Variants in NEK6 observed in about 807,000 individuals in gnomAD.
NEK6 encodes the protein NIMA related kinase 6, also known as serine/threonine-protein kinase Nek6.
In NEK6, 27 loss-of-function variants were observed where a neutral mutation model predicts 43.5. The ratio of observed to expected loss-of-function variants is 0.62; its 90% CI spans 0.46 to 0.86. NEK6 has a LOEUF of 0.86. Among genes scored for constraint, NEK6 ranks in the 40% least tolerant of loss-of-function variants. NEK6 has a pLI of 0.00. For synonymous variants in NEK6, 167 were observed against 164.1 expected (o/e 1.02, Z -0.14); for missense variants, 318 against 414.4 (o/e 0.77, Z 2.02).
intron 2 of NEK6, among the ~76,000 whole-genome samples, chr9:124,309,936 G>A (rs1833446258): frequency 2.0e-5 from 3 of 152,248 alleles, no homozygotes; most frequent in Admixed American, 6.5e-5. Flanking sequence ...GAGGGGACTA[G>A]ACAGGGGCCC....
chr9:124,319,037 T>C (rs1380017268), intron 4 of NEK6, among the ~76,000 whole-genome samples: 3 of 152,234 alleles, frequency 2.0e-5, no homozygotes, highest in African/African-American at 7.2e-5. Context: ...CAAACTGGAG[T>C]GCAGTGGCAC....
At chr9:124,345,210 G>A (rs1028716030) in intron 8 of NEK6, among the ~76,000 whole-genome samples, 2 of 152,208 alleles carry the variant, frequency 1.3e-5, no homozygotes, top group Non-Finnish European at 2.9e-5. Flanking sequence ...CCCAGACAGT[G>A]AGTCCTCTCT....
chr9:124,321,059 A>G (rs940270306), intron 4 of NEK6, among the ~76,000 whole-genome samples: 5 of 152,212 alleles, frequency 3.3e-5, no homozygotes, highest in Non-Finnish European at 7.4e-5. Context: ...GCACAGGGAC[A>G]GAGAGGTGGG....
At chr9:124,282,789 C>T (rs776338606) in intron 1 of NEK6, among the ~76,000 whole-genome samples, 16 of 152,250 alleles carry the variant, frequency 1.1e-4, no homozygotes, top group Non-Finnish European at 2.4e-4. Context: ...AACAGGCTTG[C>T]AGCGTTTGGT....
At chr9:124,347,684 T>C in intron 8 of NEK6, 25 bp from the exon 9 acceptor site, 1 of 1,468,830 alleles carries the variant, frequency 6.8e-7, no homozygotes, top group South Asian at 1.2e-5. Context: ...CGAAAGCTTA[T>C]CTTCGTTGTT....
intron 1 of NEK6, 52 bp from the exon 2 acceptor site, chr9:124,301,884 C>A: frequency 7.0e-7 from 1 of 1,424,992 alleles, no homozygotes; most frequent in Non-Finnish European, 9.7e-7. Flanking sequence ...AGTCCCTCCT[C>A]CTTCTGAGGG....
At chr9:124,291,859 C>T (rs763413431) in intron 1 of NEK6, 72 of 985,314 alleles carry the variant, frequency 7.3e-5, no homozygotes, top group Non-Finnish European at 7.8e-5. Context: ...AGGTGGCAGC[C>T]GGAGCTATTT....
In NEK6 at chr9:124,343,893, C is replaced by T. The variant is rs919917732; in HGVS notation, c.718-3816C>T. On this transcript the variant is annotated intron_variant, in intron 8 of 9. Transcript: ENST00000320246. This position sits in a 1 kb window ranked among gnomAD's most constrained non-coding sequence, Gnocchi z 5.1. ...ATCCCTGTGGCTGCAGTGACAGATG[C>T]CACCACGCCGATGGCTTCAAGCAAC... 2.0e-5 allele frequency among the ~76,000 whole-genome samples: 3 copies of T among 152,212 alleles called. No individual in the cohort carries two copies. In the South Asian group the frequency reaches 6.2e-4, roughly 32 times the overall value.
chr9:124,298,214 C>T (rs1273620749), intron 1 of NEK6, among the ~76,000 whole-genome samples: 2 of 152,096 alleles, frequency 1.3e-5, no homozygotes, highest in South Asian at 2.1e-4. Flanking sequence ...TCCCTTCCTC[C>T]TTCCCCCTCG....
In NEK6 at chr9:124,326,963, G is replaced by A. The variant is rs1443699521; in HGVS notation, c.515-375G>A. ...GGCCCCGCCCTCACTGGGGGGTACG[G>A]CACTGGGTGCTCCACTGAGCACTCC... is the stretch of plus-strand genomic sequence containing the variant. On this transcript the variant is annotated intron_variant, in intron 6 of 9. Coordinates refer to ENST00000320246, the MANE Select transcript of NEK6 (RefSeq NM_014397.6). The surrounding 1 kb of genome is among the most constrained non-coding windows in gnomAD (Gnocchi z 4.5). Among the ~76,000 whole-genome samples, 1 of 152,168 alleles carries A rather than the reference G, an allele frequency of 6.6e-6. No homozygotes were observed. The highest frequency in any genetic ancestry group is 2.4e-5 in the African/African-American group (1 of 41,438).
At chr9:124,325,621 A>G (rs536056864) in intron 5 of NEK6, among the ~76,000 whole-genome samples, 1 of 152,344 alleles carries the variant, frequency 6.6e-6, no homozygotes, top group Admixed American at 6.5e-5. Flanking sequence ...TGGCTGTCAC[A>G]TGCTCTGGGC....
intron 1 of NEK6, among the ~76,000 whole-genome samples, chr9:124,290,502 A>G (rs1832369261): frequency 6.6e-6 from 1 of 152,262 alleles, no homozygotes; most frequent in Non-Finnish European, 1.5e-5. Flanking sequence ...CCAGGGCCTC[A>G]GCTGCTGTAT....
At position 124,292,981 on chromosome 9, in the gene NEK6, G is replaced by C. The variant is rs763692003; in HGVS notation, c.-29-8955G>C. On this transcript the variant is annotated intron_variant, in intron 1 of 9. Coordinates refer to ENST00000320246, the MANE Select transcript of NEK6 (RefSeq NM_014397.6). Reference sequence around the variant, plus strand: ...GTTTGCTGGGAGGCAGCTCATTTCCGGCAGGAGGAGCAGAGCCTGCCAAGG... The same window carrying C: ...GTTTGCTGGGAGGCAGCTCATTTCCCGCAGGAGGAGCAGAGCCTGCCAAGG... The C allele has an allele frequency of 1.3e-5, 21 of 1,575,374 alleles. No individual in the cohort carries two copies. In the African/African-American group the frequency reaches 2.7e-4, roughly 20 times the overall value.
intron 9 of NEK6, among the ~76,000 whole-genome samples, chr9:124,349,094 T>G (rs1167826852): frequency 6.6e-6 from 1 of 152,218 alleles, no homozygotes; most frequent in African/African-American, 2.4e-5. Flanking sequence ...AGGGCACCTG[T>G]GCTGAGCCTG....
At chr9:124,310,077 A>T (rs559709152) in intron 2 of NEK6, among the ~76,000 whole-genome samples, 3 of 152,152 alleles carry the variant, frequency 2.0e-5, no homozygotes, top group Non-Finnish European at 4.4e-5. Context: ...AAAGCCGAGG[A>T]GGGATCTGAG....
intron 9 of NEK6, among the ~76,000 whole-genome samples, chr9:124,349,022 G>A (rs986012017): frequency 2.0e-5 from 3 of 152,212 alleles, no homozygotes; most frequent in African/African-American, 2.4e-5. Flanking sequence ...CCCTTGCCCC[G>A]GCCAAACTGC....
intron 1 of NEK6, among the ~76,000 whole-genome samples, chr9:124,277,921 CATTT>C (rs1564617978): frequency 1.3e-5 from 2 of 152,164 alleles, no homozygotes; most frequent in African/African-American, 4.8e-5. Context: ...ATCCTCCCTG[CATTT>C]ATTTGTTTAT....
chr9:124,339,237 C>T (rs1829458409), intron 7 of NEK6, among the ~76,000 whole-genome samples: 1 of 151,830 alleles, frequency 6.6e-6, no homozygotes, highest in African/African-American at 2.4e-5. Flanking sequence ...CCCTGTTGTC[C>T]ACCCACCTTG....
At chr9:124,336,906 G>C (rs1022358783) in intron 7 of NEK6, among the ~76,000 whole-genome samples, 5 of 151,892 alleles carry the variant, frequency 3.3e-5, no homozygotes, top group Admixed American at 1.3e-4. Context: ...CTACTCAGGA[G>C]GCTGAGGCAT....
Sources: allele counts gnomAD v4.1 joint callset (sites outside exome capture counted in the v4.1 genomes callset), GRCh38; gene constraint gnomAD v4.1.1; non-coding constraint Gnocchi (gnomAD v3.1); transcripts MANE v1.5; gene names NCBI Gene and HGNC (gene_info 2026-07-23, HGNC 2026-07-21).